Variants in NWD1 observed in about 807,000 individuals in gnomAD.
The protein encoded by NWD1 is NACHT domain- and WD repeat-containing protein 1.
A neutral mutation model predicts 135.1 loss-of-function variants in NWD1; 129 were observed. The observed-to-expected ratio is 0.96, with a 90% CI of 0.83 to 1.11. The LOEUF is 1.11. Ranked by LOEUF, NWD1 falls within the 50% of genes least tolerant of loss-of-function variation. The probability of loss-of-function intolerance (pLI) is 0.00; values close to 1 mark genes in which losing one functional copy is unlikely to be tolerated. For missense variants in NWD1, 1,740 were observed against 1,851.3 expected (o/e 0.94, Z 1.10); for synonymous variants, 773 against 786.0 (o/e 0.98, Z 0.28).
rs776169591 is a variant in NWD1, at chr19:16,808,006, C to G, written c.4157C>G (p.Thr1386Ser). 6.2e-7 allele frequency: 1 copy of G among 1,614,112 alleles called. No homozygotes were observed. The highest frequency in any genetic ancestry group is 8.5e-7 in the Non-Finnish European group (1 of 1,180,010). ...CATSKAFPLE[T>S]HRSRVACVEV... The stretch of plus-strand genomic sequence containing the variant: ...ACTTCCAAAGCGTTTCCCTTGGAGA[C>G]CCACAGGAGCCGAGTTGCCTGTGTG... Residue 1386 changes from threonine (T) to serine (S), a missense_variant, in exon 18 of 19, where the codon ACC becomes AGC. Transcript: ENST00000524140.
chr19:16,793,975 T>C lies in NWD1; in HGVS notation c.3214-488T>C, dbSNP rs138390417. Reference sequence around the variant, plus strand: ...GGCACAATCATAGCTCACTGCAGCCTCCAACTCCTAGGGGCACAAGTGATC... The same window carrying C: ...GGCACAATCATAGCTCACTGCAGCCCCCAACTCCTAGGGGCACAAGTGATC... On this transcript the variant is annotated intron_variant, in intron 14 of 18. Transcript: ENST00000524140. Among the ~76,000 whole-genome samples, 754 of 152,274 alleles carry C rather than the reference T, an allele frequency of 5.0e-3. 5 individuals are homozygous for C. The highest frequency in any genetic ancestry group is 0.017 in the African/African-American group (695 of 41,570).
chr19:16,750,184 G>C lies in NWD1; in HGVS notation c.1542G>C (p.Thr514=), dbSNP rs747043480. ...IQLLLAAARR[T]LSPVHTDLLW... is the part of the protein sequence containing the mutation. ...TCCTGCTGGCAGCTGCAAGGAGGAC[G>C]CTGAGCCCGGTGCACACAGATTTGC... The change falls in exon 6 of 19, where the codon ACG becomes ACC. Residue 514 remains threonine, a synonymous_variant. Coordinates refer to ENST00000524140, the MANE Select transcript of NWD1 (RefSeq NM_001007525.5). The C allele has an allele frequency of 1.9e-6, 3 of 1,613,246 alleles. No homozygotes were observed. The Admixed American group carries it at 5.0e-5, about 27-fold the overall frequency.
chr19:16,738,882 T>C (rs948277500), intron 4 of NWD1, among the ~76,000 whole-genome samples: 4 of 143,646 alleles, frequency 2.8e-5, no homozygotes, highest in African/African-American at 1.0e-4. Flanking sequence ...ATACATTATA[T>C]ATTATATATA....
intron 6 of NWD1, among the ~76,000 whole-genome samples, chr19:16,758,877 G>A (rs1463240253): frequency 6.6e-5 from 10 of 151,752 alleles, no homozygotes; most frequent in Non-Finnish European, 2.9e-5. Context: ...GCGTGGTGGC[G>A]CCTGTAGTCC....
At chr19:16,761,376 C>CTT (rs1969006318) in intron 7 of NWD1, among the ~76,000 whole-genome samples, 47 of 151,176 alleles carry the variant, frequency 3.1e-4, no homozygotes, top group African/African-American at 1.1e-3. Context: ...TTCCTTCTTT[C>CTT]TCTTTTTTTC....
Position 16,815,334 on chromosome 19 carries a change from A to G in NWD1, c.*295A>G. 1.3e-6 allele frequency: 1 copy of G among 746,402 alleles called. No homozygotes were observed. The highest frequency in any genetic ancestry group is 2.5e-6 in the Non-Finnish European group (1 of 405,318). The allele number at this position is 746,402 out of a possible 1,614,324, so 46.2% of individuals were successfully genotyped here. ...CAAGTGTGCCTGATAGTGTAAAAAA[A>G]TAAAAATAAAAAAACCCTGTGGGGG... On this transcript the variant is annotated 3_prime_UTR_variant, in exon 19 of 19. Coordinates refer to ENST00000524140, the MANE Select transcript of NWD1 (RefSeq NM_001007525.5).
Position 16,797,771 on chromosome 19 carries a change from G to A in NWD1, c.3344G>A (p.Arg1115Lys), listed in dbSNP as rs1470104928. 1 of 1,614,108 alleles carries A rather than the reference G, an allele frequency of 6.2e-7. No individual in the cohort carries two copies. The highest frequency in any genetic ancestry group is 8.5e-7 in the Non-Finnish European group (1 of 1,179,990). ...GTGCGGATATTCTTGGCGGACTCGA[G>A]GGGCTTTCGCCGATTCATGGCCATG... Reference protein sequence around the residue: ...RSVRIFLADSRGFRRFMAMDL... With the variant: ...RSVRIFLADSKGFRRFMAMDL... The change falls in exon 16 of 19, where the codon AGG becomes AAG. Residue 1115 changes from arginine to lysine, a missense_variant. Arg to Lys is a conservative substitution (Grantham distance 26). Coordinates refer to ENST00000524140, the MANE Select transcript of NWD1 (RefSeq NM_001007525.5).
intron 16 of NWD1, 107 bp from the exon 17 acceptor site, chr19:16,799,779 A>C (rs1970538583): frequency 9.9e-7 from 1 of 1,014,400 alleles, no homozygotes; most frequent in South Asian, 1.7e-5. Context: ...AAGTGTTGGG[A>C]TTACAGGCGT....
chr19:16,764,214 C>T (rs1969128849), intron 9 of NWD1, among the ~76,000 whole-genome samples: 1 of 151,890 alleles, frequency 6.6e-6, no homozygotes, highest in African/African-American at 2.4e-5. Context: ...GCACAGGACA[C>T]CCTACCACAG....
chr19:16,803,659 G>A (rs1013968816), intron 17 of NWD1, among the ~76,000 whole-genome samples: 3 of 151,682 alleles, frequency 2.0e-5, no homozygotes, highest in African/African-American at 7.3e-5. Flanking sequence ...GCTCACACCT[G>A]TAATCCCAGA....
At chr19:16,773,036 T>C in intron 10 of NWD1, 90 bp from the exon 11 acceptor site, 1 of 1,079,716 alleles carries the variant, frequency 9.3e-7, no homozygotes, top group South Asian at 1.3e-5. Context: ...TCTTTTGTTC[T>C]GGAGCCCCTG....
At position 16,799,882 on chromosome 19, in the gene NWD1, T is replaced by A. The variant is rs1349788575; in HGVS notation, c.3460-4T>A. 3 of 1,593,848 alleles carry A rather than the reference T, an allele frequency of 1.9e-6. No individual in the cohort carries two copies. The highest frequency in any genetic ancestry group is 2.6e-6 in the Non-Finnish European group (3 of 1,169,346). On this transcript the variant is annotated splice_polypyrimidine_tract_variant and splice_region_variant and intron_variant, in intron 16 of 18. Transcript: ENST00000524140. ...AGATCTGCCCTCCTGTTCTGCTTCC[T>A]CAGGTGTGGAGTCTGTCAGAACAGG...
rs1568340017 is a variant in NWD1, at chr19:16,738,748, T to TA, written c.198+1998_198+1999insA. On this transcript the variant is annotated intron_variant, in intron 4 of 18. Transcript: ENST00000524140. Reference sequence around the variant, plus strand: ...ATATAATCTATATATAATATATATATTATATATATATAATATAATGATATA... The same window carrying TA: ...ATATAATCTATATATAATATATATATATATATATATATAATATAATGATATA... 2.6e-4 allele frequency among the ~76,000 whole-genome samples: 37 copies of TA among 140,370 alleles called. 1 individual carries two copies. The highest frequency in any genetic ancestry group is 9.8e-4 in the African/African-American group (36 of 36,848). The allele number at this position is 140,370 out of a possible 152,430, so 92.1% of individuals were successfully genotyped here.
intron 18 of NWD1, among the ~76,000 whole-genome samples, chr19:16,809,971 A>T (rs1279713039): frequency 6.6e-6 from 1 of 152,106 alleles, no homozygotes; most frequent in Non-Finnish European, 1.5e-5. Context: ...GGTCACAGGG[A>T]GACTCTATCC....
chr19:16,797,911 A>T, intron 16 of NWD1, 25 bp downstream of exon 16: 1 of 1,593,498 alleles, frequency 6.3e-7, no homozygotes, highest in Non-Finnish European at 8.6e-7. Context: ...GGGACCCTTC[A>T]TCCTCACCTC....
intron 12 of NWD1, among the ~76,000 whole-genome samples, chr19:16,787,692 T>G (rs1970083024): frequency 6.6e-6 from 1 of 150,518 alleles, no homozygotes. Flanking sequence ...AAACCCCATC[T>G]CTACTAAAAA....
At chr19:16,726,038 C>T (rs1967316301) in intron 2 of NWD1, among the ~76,000 whole-genome samples, 2 of 151,886 alleles carry the variant, frequency 1.3e-5, no homozygotes, top group Admixed American at 6.6e-5. Flanking sequence ...TCTTGGCTCA[C>T]TGCAACCTCT....
chr19:16,744,809 C>T (rs928079980), intron 5 of NWD1, 91 bp downstream of exon 5: 1 of 1,141,100 alleles, frequency 8.8e-7, no homozygotes, highest in African/African-American at 1.5e-5. Context: ...ATGCAACAGT[C>T]TGCATTTCTT....
chr19:16,738,583 A>G (rs1330227357), intron 4 of NWD1, among the ~76,000 whole-genome samples: 1 of 149,682 alleles, frequency 6.7e-6, no homozygotes, highest in Non-Finnish European at 1.5e-5. Flanking sequence ...AAAAAAAAAA[A>G]AGGAGAAGGT....
Sources: gnomAD v4.1 joint callset for allele counts (sites outside exome capture counted in the v4.1 genomes callset) on GRCh38, gnomAD v4.1.1 for gene constraint, MANE v1.5 for transcripts, NCBI Gene and HGNC (gene_info 2026-07-23, HGNC 2026-07-21) for gene names.